The following XRCC4 variants were observed in gnomAD, a reference collection of about 807,000 sequenced individuals.
XRCC4 encodes DNA repair protein XRCC4.
A neutral mutation model predicts 39.1 loss-of-function variants in XRCC4; 28 were observed. The ratio of observed to expected loss-of-function variants is 0.72; its 90% CI spans 0.53 to 0.98. XRCC4 has a LOEUF of 0.98. Among genes scored for constraint, XRCC4 ranks in the 50% least tolerant of loss-of-function variants. XRCC4 has a pLI of 0.00. For synonymous variants in XRCC4, 123 were observed against 126.4 expected (o/e 0.97, Z 0.18); for missense variants, 350 against 376.4 (o/e 0.93, Z 0.58).
At chr5:83,250,505 A>G (rs1048031850) in intron 6 of XRCC4, among the ~76,000 whole-genome samples, 2 of 152,236 alleles carry the variant, frequency 1.3e-5, no homozygotes, top group Non-Finnish European at 2.9e-5. Flanking sequence ...TCAGTGGATA[A>G]GACAAACTAA....
At chr5:83,356,778 T>G, downstream of XRCC4, 4 of 454,066 alleles carry the variant, frequency 8.8e-6, no homozygotes, top group Middle Eastern at 3.3e-4. Context: ...AGAAATTGAG[T>G]TACAATGCAG....
At chr5:83,191,116 A>G (rs1561392563) in intron 3 of XRCC4, among the ~76,000 whole-genome samples, 1 of 152,244 alleles carries the variant, frequency 6.6e-6, no homozygotes, top group Admixed American at 6.5e-5. Context: ...CCCAGATCTC[A>G]AAAAGCTTGA....
chr5:83,292,838 G>A (rs1754966984), intron 7 of XRCC4, among the ~76,000 whole-genome samples: 1 of 151,184 alleles, frequency 6.6e-6, no homozygotes, highest in African/African-American at 2.4e-5. Flanking sequence ...TTATTTTCTA[G>A]ATTGGATGAC....
chr5:83,280,693 G>T, intron 7 of XRCC4: 1 of 227,484 alleles, frequency 4.4e-6, no homozygotes, highest in Non-Finnish European at 8.6e-6. Context: ...ATTCATAAGG[G>T]CAGAGCCCTC....
At chr5:83,324,186 A>G (rs891154869) in intron 7 of XRCC4, among the ~76,000 whole-genome samples, 2 of 152,158 alleles carry the variant, frequency 1.3e-5, no homozygotes, top group African/African-American at 4.8e-5. Flanking sequence ...GTTCCTATTA[A>G]GCCGCAGAAA....
At chr5:83,169,707 C>T (rs1478461284) in intron 3 of XRCC4, among the ~76,000 whole-genome samples, 4 of 152,022 alleles carry the variant, frequency 2.6e-5, no homozygotes, top group Non-Finnish European at 5.9e-5. Flanking sequence ...CATTTGGTCT[C>T]CTGTGTTCTT....
In XRCC4 at chr5:83,116,598, T is replaced by TTC. The variant is rs1444252749; in HGVS notation, c.315+5405_315+5406dup. On this transcript the variant is annotated intron_variant, in intron 3 of 7. Transcript: ENST00000396027. ...TTGTCTGAGTGAAAGAATTACCAGT[T>TTC]TCTCTCTCTCTTTTTTTTTTTTTTT... Among the ~76,000 whole-genome samples the TTC allele has an allele frequency of 1.9e-3, 276 of 146,204 alleles. 2 individuals are homozygous for TTC. Among genetic ancestry groups the TTC allele is most frequent in the Non-Finnish European group, 2.4e-3 (162 of 67,142 alleles).
intron 1 of XRCC4, among the ~76,000 whole-genome samples, chr5:83,095,593 T>C (rs1745639271): frequency 6.6e-6 from 1 of 152,042 alleles, no homozygotes; most frequent in Non-Finnish European, 1.5e-5. Flanking sequence ...TGGCTAGTCT[T>C]CTGGTAGTTC....
chr5:83,310,163 T>G (rs1367952031), intron 7 of XRCC4, among the ~76,000 whole-genome samples: 1 of 152,216 alleles, frequency 6.6e-6, no homozygotes, highest in Admixed American at 6.5e-5. Flanking sequence ...AAAATCCCTT[T>G]AAGCTGAAGT....
rs7716696 is a variant in XRCC4 at position 83,353,059 on chromosome 5, T to C, written c.894-72T>C. On this transcript the variant is annotated intron_variant, in intron 7 of 7. Transcript: ENST00000396027. ...TTAACTGTCATTTCACTTATGTGTC[T>C]CTTCATTTTCTTTTACTCTATAACA... 1,587 of 1,201,640 alleles carry C rather than the reference T, an allele frequency of 1.3e-3. 10 individuals are homozygous for C. The African/African-American group carries it at 0.019, about 15-fold the overall frequency. 74.4% of individuals were successfully genotyped at this position (1,201,640 alleles called of 1,614,324 possible).
intron 1 of XRCC4, among the ~76,000 whole-genome samples, chr5:83,101,639 T>G (rs1745942502): frequency 6.6e-6 from 1 of 152,126 alleles, no homozygotes; most frequent in East Asian, 1.9e-4. Flanking sequence ...TCCCACATAG[T>G]GTTGATGATT....
At chr5:83,194,994 T>G (rs553659856) in intron 3 of XRCC4, among the ~76,000 whole-genome samples, 3 of 151,882 alleles carry the variant, frequency 2.0e-5, no homozygotes, top group Non-Finnish European at 4.4e-5. Context: ...TGAATAATAA[T>G]CATCATAATT....
In XRCC4 at chr5:83,240,590, C is replaced by G. The variant is rs966993253; in HGVS notation, c.746-17940C>G. ...TAATCAAAACTAATGATGTAAAATG[C>G]TTACATATTGAACTCTTACTTTGGG... is the stretch of plus-strand genomic sequence containing the variant. On this transcript the variant is annotated intron_variant, in intron 6 of 7. Transcript: ENST00000396027. Among the ~76,000 whole-genome samples, 4 of 152,022 alleles carry G rather than the reference C, an allele frequency of 2.6e-5. No individual in the cohort carries two copies. The East Asian group carries it at 5.8e-4, about 22-fold the overall frequency.
At chr5:83,257,847 C>T (rs1753603552) in intron 6 of XRCC4, among the ~76,000 whole-genome samples, 1 of 152,114 alleles carries the variant, frequency 6.6e-6, no homozygotes, top group Non-Finnish European at 1.5e-5. Flanking sequence ...CCATGGAATA[C>T]TATGCAGCCA....
At chr5:83,251,825 T>G (rs1427838594) in intron 6 of XRCC4, among the ~76,000 whole-genome samples, 4 of 152,162 alleles carry the variant, frequency 2.6e-5, no homozygotes, top group Non-Finnish European at 1.5e-5. Context: ...CATACATTCT[T>G]AAGTGTTTGG....
Position 83,108,484 on chromosome 5 carries a change from G to A in XRCC4, c.140-2544G>A, listed in dbSNP as rs371937233. On this transcript the variant is annotated intron_variant, in intron 2 of 7. Coordinates refer to ENST00000396027, the MANE Select transcript of XRCC4 (RefSeq NM_003401.5). ...GGAGAGGAAAATAAGAGGATATCTA[G>A]GATGATAACTGACAGATATCTAAAA... 1.3e-4 allele frequency among the ~76,000 whole-genome samples: 19 copies of A among 151,854 alleles called. No homozygotes were observed. In the East Asian group the frequency reaches 3.5e-3, roughly 28 times the overall value.
chr5:83,124,025 A>G (rs113430884), intron 3 of XRCC4, among the ~76,000 whole-genome samples: 13 of 152,176 alleles, frequency 8.5e-5, no homozygotes, highest in African/African-American at 2.7e-4. Flanking sequence ...AACAATATAT[A>G]ACTGTAGTAC....
intron 6 of XRCC4, among the ~76,000 whole-genome samples, chr5:83,210,634 C>A (rs191734876): frequency 4.9e-4 from 74 of 150,342 alleles, no homozygotes; most frequent in Admixed American, 1.1e-3. Context: ...GAGGAAATTG[C>A]CACTGATACA....
Position 83,187,234 on chromosome 5 carries a change from C to T in XRCC4, c.316-8536C>T, listed in dbSNP as rs1334683707. The stretch of plus-strand genomic sequence containing the variant: ...CTGGGATTACAGGCGTGAGCCACCG[C>T]GCCCGGCCCTCCATTTTTAACGGTA... On this transcript the variant is annotated intron_variant, in intron 3 of 7. Transcript: ENST00000396027. Among the ~76,000 whole-genome samples the T allele has an allele frequency of 1.8e-4, 8 of 45,666 alleles. 2 individuals carry two copies. Among genetic ancestry groups the T allele is most frequent in the Non-Finnish European group, 3.5e-4 (7 of 19,804 alleles). 30.0% of individuals were successfully genotyped at this position (45,666 alleles called of 152,430 possible). A position where few individuals can be genotyped will look rare whatever the true frequency, so the allele number is the denominator to read the frequency against.
Sources: gnomAD v4.1 joint callset for allele counts (sites outside exome capture counted in the v4.1 genomes callset) on GRCh38, gnomAD v4.1.1 for gene constraint, MANE v1.5 for transcripts, NCBI Gene and HGNC (gene_info 2026-07-23, HGNC 2026-07-21) for gene names.